Variants in ESCO1 observed in about 807,000 individuals in gnomAD.
ESCO1 encodes establishment of sister chromatid cohesion N-acetyltransferase 1.
A neutral mutation model predicts 83.5 loss-of-function variants in ESCO1; 33 were observed. The ratio of observed to expected loss-of-function variants is 0.40; its 90% CI spans 0.30 to 0.53. The LOEUF (loss-of-function observed/expected upper bound fraction) is 0.53, where lower values mean the gene tolerates loss of function less well. ESCO1 is among the 20% of genes least tolerant of loss of function. ESCO1 has a pLI of 0.63. For synonymous variants in ESCO1, 332 were observed against 324.3 expected (o/e 1.02, Z -0.25); for missense variants, 855 against 968.0 (o/e 0.88, Z 1.55).
At chr18:21,579,794 GCACA>G (rs765904584) in intron 2 of ESCO1, among the ~76,000 whole-genome samples, 2,260 of 37,108 alleles carry the variant, frequency 0.061, 84 homozygotes, top group African/African-American at 0.093. Flanking sequence ...ACGCGCGCGC[GCACA>G]CACACACACA....
chr18:21,534,027 G>A (rs1001453522), intron 10 of ESCO1, among the ~76,000 whole-genome samples: 4 of 151,966 alleles, frequency 2.6e-5, no homozygotes, highest in Non-Finnish European at 5.9e-5. Context: ...GCAGTCCTCC[G>A]ATCTAAGCCT....
chr18:21,583,903 G>A (rs1332940605), intron 2 of ESCO1, among the ~76,000 whole-genome samples: 3 of 152,122 alleles, frequency 2.0e-5, no homozygotes, highest in African/African-American at 7.2e-5. Flanking sequence ...AAATAGAGAT[G>A]TAAGTTATAT....
intron 9 of ESCO1, among the ~76,000 whole-genome samples, chr18:21,539,417 C>T (rs2037875588): frequency 6.6e-6 from 1 of 152,126 alleles, no homozygotes; most frequent in Non-Finnish European, 1.5e-5. Flanking sequence ...GTACTCAGTT[C>T]ATTTAGAATT....
intron 7 of ESCO1, among the ~76,000 whole-genome samples, chr18:21,563,749 T>C (rs1369495231): frequency 6.6e-6 from 1 of 152,188 alleles, no homozygotes; most frequent in Non-Finnish European, 1.5e-5. Context: ...AATGCTGCTA[T>C]GATTTTGATA....
chr18:21,571,968 TC>T (rs1254936325), intron 4 of ESCO1, among the ~76,000 whole-genome samples: 1 of 152,224 alleles, frequency 6.6e-6, no homozygotes, highest in African/African-American at 2.4e-5. Context: ...TGATCTATTT[TC>T]ATGGCTTCTG....
intron 11 of ESCO1, among the ~76,000 whole-genome samples, 158 bp from the exon 12 acceptor site, chr18:21,530,648 T>A (rs1205560352): frequency 1.3e-5 from 2 of 152,162 alleles, no homozygotes; most frequent in Admixed American, 6.5e-5. Context: ...AAAATAATTA[T>A]TCATCTATAA....
At chr18:21,586,601 G>A (rs1598478234) in intron 1 of ESCO1, among the ~76,000 whole-genome samples, 1 of 152,176 alleles carries the variant, frequency 6.6e-6, no homozygotes, top group East Asian at 1.9e-4. Flanking sequence ...CTTGTGTCCT[G>A]TAACGTTGTT....
rs188173173 is a variant in ESCO1 at position 21,550,922 on chromosome 18, C to A, written c.1953+9937G>T. Among the ~76,000 whole-genome samples, 2 of 151,612 alleles carry A rather than the reference C, an allele frequency of 1.3e-5. 1 individual carries two copies. Among genetic ancestry groups the A allele is most frequent in the Non-Finnish European group, 2.9e-5 (2 of 67,856 alleles). On this transcript the variant is annotated intron_variant, in intron 8 of 11. Transcript: ENST00000269214. ...GGTCAGGAAATCAAGACCATCCTGG[C>A]TAACATGGTGAAACCCCGCCTCTAC...
chr18:21,593,584 G>C (rs983424369), intron 1 of ESCO1: 2 of 34,482 alleles, frequency 5.8e-5, no homozygotes, highest in African/African-American at 1.3e-4. Flanking sequence ...ACCGTGGAAA[G>C]AGAGGGAGAC....
At chr18:21,542,381 AG>A (rs1165301830) in intron 8 of ESCO1, among the ~76,000 whole-genome samples, 1 of 152,154 alleles carries the variant, frequency 6.6e-6, no homozygotes, top group African/African-American at 2.4e-5. Flanking sequence ...AAAACTTTTA[AG>A]TAACTCTAGA....
chr18:21,538,516 T>C (rs556323590), intron 9 of ESCO1, among the ~76,000 whole-genome samples: 2 of 152,322 alleles, frequency 1.3e-5, no homozygotes, highest in African/African-American at 4.8e-5. Flanking sequence ...GCAGCAGTAA[T>C]ATGAAAGCTT....
At chr18:21,590,944 A>C (rs1343954399) in intron 1 of ESCO1, among the ~76,000 whole-genome samples, 1 of 144,578 alleles carries the variant, frequency 6.9e-6, no homozygotes, top group African/African-American at 2.5e-5. Context: ...ACTGTCTCAA[A>C]AGAAAAAAAA....
At chr18:21,540,183 T>C (rs570385931) in intron 8 of ESCO1, among the ~76,000 whole-genome samples, 174 bp from the exon 9 acceptor site, 1 of 152,334 alleles carries the variant, frequency 6.6e-6, no homozygotes, top group African/African-American at 2.4e-5. Context: ...GCTATTTTGT[T>C]AAGCATACAA....
intron 8 of ESCO1, among the ~76,000 whole-genome samples, chr18:21,542,533 A>G (rs924390583): frequency 3.9e-5 from 6 of 152,204 alleles, no homozygotes; most frequent in Admixed American, 6.5e-5. Flanking sequence ...TTGGGTAGGT[A>G]CGAGGGTGCT....
At chr18:21,587,752 C>T (rs2038602074) in intron 1 of ESCO1, among the ~76,000 whole-genome samples, 1 of 152,028 alleles carries the variant, frequency 6.6e-6, no homozygotes, top group African/African-American at 2.4e-5. Context: ...GTTTGGGCAA[C>T]ACAGCAAGAC....
At chr18:21,597,655 T>C (rs1403490911) in intron 1 of ESCO1, among the ~76,000 whole-genome samples, 6 of 152,146 alleles carry the variant, frequency 3.9e-5, no homozygotes, top group Non-Finnish European at 5.9e-5. Context: ...TCCTACATAA[T>C]TTTTAAGAGT....
chr18:21,540,538 C>T (rs777190668), intron 8 of ESCO1: 1 of 1,283,076 alleles, frequency 7.8e-7, no homozygotes, highest in Non-Finnish European at 1.0e-6. Flanking sequence ...ATCACAACTA[C>T]CAAAGCCACA....
chr18:21,579,343 G>A (rs2038461378), intron 2 of ESCO1, among the ~76,000 whole-genome samples: 1 of 151,942 alleles, frequency 6.6e-6, no homozygotes, highest in Non-Finnish European at 1.5e-5. Context: ...CTGTAGACAG[G>A]CCCAGCTACT....
intron 2 of ESCO1, among the ~76,000 whole-genome samples, chr18:21,580,715 C>T (rs1282352284): frequency 6.6e-6 from 1 of 152,178 alleles, no homozygotes; most frequent in African/African-American, 2.4e-5. Context: ...ATTGGCCAGG[C>T]ACGGTGGCTC....
Sources: gnomAD v4.1 joint callset for allele counts (sites outside exome capture counted in the v4.1 genomes callset) on GRCh38, gnomAD v4.1.1 for gene constraint, MANE v1.5 for transcripts, NCBI Gene and HGNC (gene_info 2026-07-23, HGNC 2026-07-21) for gene names.